EIF2S1: variants seen among roughly 807,000 people sequenced by gnomAD.
The protein encoded by EIF2S1 is eukaryotic translation initiation factor 2 subunit 1.
In EIF2S1, 5 loss-of-function variants were observed where a neutral mutation model predicts 33.5. The observed-to-expected ratio is 0.15, with a 90% confidence interval of 0.08 to 0.31. EIF2S1 has a LOEUF of 0.31. Ranked by LOEUF, EIF2S1 falls within the 10% of genes least tolerant of loss-of-function variation. EIF2S1 has a pLI of 1.00. For missense variants in EIF2S1, 191 were observed against 384.6 expected, an observed-to-expected ratio of 0.50 and a Z score of 4.21; for synonymous variants, 99 against 127.5, an observed-to-expected ratio of 0.78 and a Z score of 1.51.
intron 2 of EIF2S1, 21 bp downstream of exon 2, chr14:67,365,029 T>A: frequency 6.4e-7 from 1 of 1,556,942 alleles, no homozygotes; most frequent in Non-Finnish European, 8.7e-7. Context: ...AAAATATCTG[T>A]AATATAAATT....
chr14:67,365,705 A>T (rs1230683754), intron 2 of EIF2S1, among the ~76,000 whole-genome samples: 1 of 152,156 alleles, frequency 6.6e-6, no homozygotes, highest in African/African-American at 2.4e-5. Context: ...ATAATTTGTT[A>T]GGTGTTAGTT....
chr14:67,372,940 T>C (rs898615439), intron 2 of EIF2S1, among the ~76,000 whole-genome samples: 5 of 152,178 alleles, frequency 3.3e-5, no homozygotes. Flanking sequence ...ATAGCAAATA[T>C]GCACATGAAA....
chr14:67,374,484 A>G lies in EIF2S1; in HGVS notation c.258A>G (p.Ser86=), dbSNP rs763982322. The change falls in exon 3 of 8, where the codon TCA becomes TCG. Residue 86 remains serine (S), a synonymous_variant. Transcript: ENST00000256383. ...TTTGTACAGGATATATTGATTTGTC[A>G]AAAAGAAGAGTTTCTCCAGAGGAAG... The part of the protein sequence containing the change: ...VDKEKGYIDL[S]KRRVSPEEAI... 3 of 1,604,860 alleles carry G rather than the reference A, an allele frequency of 1.9e-6. No homozygotes were observed. Among genetic ancestry groups the G allele is most frequent in the East Asian group, 2.2e-5 (1 of 44,668 alleles).
intron 1 of EIF2S1, 142 bp downstream of exon 1, chr14:67,360,598 C>A (rs1257883135): frequency 5.6e-6 from 1 of 177,178 alleles, no homozygotes; most frequent in African/African-American, 2.4e-5. Context: ...GCACCGCCAC[C>A]ACCCGCGCTG....
chr14:67,364,593 C>A, intron 1 of EIF2S1, 174 bp from the exon 2 acceptor site: 1 of 598,628 alleles, frequency 1.7e-6, no homozygotes, highest in Non-Finnish European at 2.7e-6. Flanking sequence ...AGCTTGGTTC[C>A]TGAACATTAT....
intron 2 of EIF2S1, among the ~76,000 whole-genome samples, chr14:67,367,729 G>A (rs574973871): frequency 4.0e-4 from 61 of 152,010 alleles, no homozygotes; most frequent in African/African-American, 1.4e-3. Context: ...CCAGCTTCTC[G>A]GGCGGCTGAG....
rs10144427 is a variant in EIF2S1, at chr14:67,381,050, T to C, written c.580+285T>C. On this transcript the variant is annotated intron_variant, in intron 5 of 7. Coordinates refer to ENST00000256383, the MANE Select transcript of EIF2S1 (RefSeq NM_004094.5). Reference sequence around the variant, plus strand: ...TGTTTTAGTGCATACTTTAAAATATTCCAAATTTTTACAAAGATGAGACAT... The same window carrying C: ...TGTTTTAGTGCATACTTTAAAATATCCCAAATTTTTACAAAGATGAGACAT... Among the ~76,000 whole-genome samples the C allele has an allele frequency of 8.9e-3, 1,362 of 152,288 alleles. 21 individuals carry two copies. Among genetic ancestry groups the C allele is most frequent in the African/African-American group, 0.031 (1,283 of 41,556 alleles).
At chr14:67,372,943 A>G (rs2085833210) in intron 2 of EIF2S1, among the ~76,000 whole-genome samples, 1 of 152,220 alleles carries the variant, frequency 6.6e-6, no homozygotes, top group South Asian at 2.1e-4. Context: ...GCAAATATGC[A>G]CATGAAAAGA....
chr14:67,361,581 T>G (rs2141122769), intron 1 of EIF2S1, among the ~76,000 whole-genome samples: 1 of 152,366 alleles, frequency 6.6e-6, no homozygotes, highest in South Asian at 2.1e-4. Context: ...GAAAGGAATG[T>G]GAACTTCTAT....
At chr14:67,381,558 AT>A in intron 5 of EIF2S1, 34 bp from the exon 6 acceptor site, 6 of 1,563,816 alleles carry the variant, frequency 3.8e-6, no homozygotes, top group Non-Finnish European at 5.3e-6. Flanking sequence ...TATTTTTTGC[AT>A]TTTTTATCAA....
chr14:67,366,328 T>A (rs1038572382), intron 2 of EIF2S1, among the ~76,000 whole-genome samples: 3 of 152,190 alleles, frequency 2.0e-5, no homozygotes, highest in Admixed American at 6.5e-5. Context: ...TGCCTTGGCC[T>A]CACAAAGTAC....
rs186449114 is a variant in EIF2S1 at position 67,368,144 on chromosome 14, T to C, written c.241+3136T>C. 7.0e-4 allele frequency among the ~76,000 whole-genome samples: 106 copies of C among 152,172 alleles called. 3 individuals are homozygous for C. The highest frequency in any genetic ancestry group is 1.9e-3 in the Admixed American group (29 of 15,280). On this transcript the variant is annotated intron_variant, in intron 2 of 7. Coordinates refer to ENST00000256383, the MANE Select transcript of EIF2S1 (RefSeq NM_004094.5). ...GTTTTAGTCAGGAGTCACAAGGAAC[T>C]AGGGGAAAAAGTAGGTCAGAGCTTT... is the stretch of plus-strand genomic sequence containing the variant.
chr14:67,363,494 A>G (rs181113979), intron 1 of EIF2S1, among the ~76,000 whole-genome samples: 12 of 152,300 alleles, frequency 7.9e-5, no homozygotes, highest in Admixed American at 3.9e-4. Flanking sequence ...TAATATATTT[A>G]TGAATAGTTT....
At position 67,383,341 on chromosome 14, in the gene EIF2S1, G is replaced by A. The variant is rs1595651539; in HGVS notation, c.849G>A (p.Glu283=). 6.2e-7 allele frequency: 1 copy of A among 1,613,558 alleles called. No homozygotes were observed. Among genetic ancestry groups the A allele is most frequent in the South Asian group, 1.1e-5 (1 of 91,048 alleles). Reference sequence around the variant, plus strand: ...CCAAAGTGGTCACAGATACAGATGAGACTGAACTTGCGAGGCAGATGGAGA... The same window carrying A: ...CCAAAGTGGTCACAGATACAGATGAAACTGAACTTGCGAGGCAGATGGAGA... ...MEPKVVTDTD[E]TELARQMERL... The change falls in exon 8 of 8, where the codon GAG becomes GAA. Residue 283 remains glutamate, a synonymous_variant. Coordinates refer to ENST00000256383, the MANE Select transcript of EIF2S1 (RefSeq NM_004094.5).
In EIF2S1 at chr14:67,375,380, C is replaced by T. The variant is rs146801284; in HGVS notation, c.321+833C>T. 5.6e-3 allele frequency among the ~76,000 whole-genome samples: 846 copies of T among 152,142 alleles called. 8 individuals carry two copies. The highest frequency in any genetic ancestry group is 0.02 in the African/African-American group (825 of 41,496). On this transcript the variant is annotated intron_variant, in intron 3 of 7. Transcript: ENST00000256383. ...AAGCGATCCTCTCGCCTCTGCCTCC[C>T]GGAATGTTTGAGATTACAGGCGTAA...
chr14:67,375,657 A>G (rs892414721), intron 3 of EIF2S1, among the ~76,000 whole-genome samples: 1 of 152,220 alleles, frequency 6.6e-6, no homozygotes, highest in African/African-American at 2.4e-5. Flanking sequence ...ATGTATTTAC[A>G]GTTATGCAGT....
chr14:67,382,805 A>C, intron 7 of EIF2S1: 1 of 548,260 alleles, frequency 1.8e-6, no homozygotes. Flanking sequence ...TTGAATTTGC[A>C]TGTGGCATGT....
chr14:67,369,459 C>T (rs1316127433), intron 2 of EIF2S1, among the ~76,000 whole-genome samples: 1 of 152,130 alleles, frequency 6.6e-6, no homozygotes, highest in East Asian at 1.9e-4. Context: ...ACAATTAGAT[C>T]AATGAAGACC....
At chr14:67,375,492 T>C (rs1019419556) in intron 3 of EIF2S1, among the ~76,000 whole-genome samples, 8 of 151,982 alleles carry the variant, frequency 5.3e-5, no homozygotes, top group African/African-American at 1.9e-4. Flanking sequence ...GTCTGTTCTT[T>C]TCTGCCATGA....
Sources: gnomAD v4.1 joint callset for allele counts (sites outside exome capture counted in the v4.1 genomes callset) on GRCh38, gnomAD v4.1.1 for gene constraint, MANE v1.5 for transcripts, NCBI Gene and HGNC (gene_info 2026-07-23, HGNC 2026-07-21) for gene names.